The following CSTF3 variants were observed in gnomAD, a reference collection of about 807,000 sequenced individuals.
CSTF3 encodes the protein CF-1 77 kDa subunit.
A neutral mutation model predicts 105.8 loss-of-function variants in CSTF3; 29 were observed. The ratio of observed to expected loss-of-function variants is 0.27; its 90% CI spans 0.20 to 0.37. The LOEUF is 0.37. Among genes scored for constraint, CSTF3 ranks in the 10% least tolerant of loss-of-function variants. CSTF3 has a pLI of 1.00. For missense variants in CSTF3, 357 were observed against 879.3 expected (o/e 0.41, Z 7.51); for synonymous variants, 252 against 281.9 (o/e 0.89, Z 1.06).
At chr11:33,104,833 G>A (rs914035700) in intron 8 of CSTF3, among the ~76,000 whole-genome samples, 2 of 152,162 alleles carry the variant, frequency 1.3e-5, no homozygotes, top group African/African-American at 2.4e-5. Context: ...CATAAAGTTT[G>A]AAAACCACAG....
intron 1 of CSTF3, among the ~76,000 whole-genome samples, chr11:33,147,578 A>G (rs1176823171): frequency 6.7e-6 from 1 of 149,722 alleles, no homozygotes; most frequent in African/African-American, 2.4e-5. Context: ...CTTAGTCTCA[A>G]AAAAAAAAAA....
Position 33,102,377 on chromosome 11 carries a change from G to A in CSTF3, c.664-38C>T, listed in dbSNP as rs766081232. ...GATTTAGAATTCTTTGGTGAGCCAG[G>A]AACAACTGAGATATATGGCGGATGG... On this transcript the variant is annotated intron_variant, in intron 9 of 20. Coordinates refer to ENST00000323959, the MANE Select transcript of CSTF3 (RefSeq NM_001326.3). 10 of 1,604,340 alleles carry A rather than the reference G, an allele frequency of 6.2e-6. No individual in the cohort carries two copies. In the South Asian group the frequency reaches 1.1e-4, roughly 18 times the overall value.
At chr11:33,134,574 A>G (rs995950197) in intron 3 of CSTF3, 1 of 152,176 alleles carries the variant, frequency 6.6e-6, no homozygotes, top group Non-Finnish European at 1.5e-5. Context: ...CATTTTGGAT[A>G]TTTAAGTTTT....
In CSTF3 at chr11:33,092,371, T is replaced by A. The variant is rs562458789; in HGVS notation, c.1376-31A>T. ...ATATTGAAAAAGATTTTAATTTTTTTAATTCACTTTTACGATGCAACAATA... is the reference window on the plus strand; with the variant it reads ...ATATTGAAAAAGATTTTAATTTTTTAAATTCACTTTTACGATGCAACAATA... On this transcript the variant is annotated intron_variant, in intron 15 of 20. Transcript: ENST00000323959. 5.6e-6 allele frequency: 8 copies of A among 1,438,082 alleles called. No homozygotes were observed. In the African/African-American group the frequency reaches 8.7e-5, roughly 16 times the overall value. The allele number at this position is 1,438,082 out of a possible 1,614,324, so 89.1% of individuals were successfully genotyped here. A position where few individuals can be genotyped will look rare whatever the true frequency, so the allele number is the denominator to read the frequency against.
At chr11:33,127,011 G>GC (rs1855550210) in intron 3 of CSTF3, among the ~76,000 whole-genome samples, 5 of 152,210 alleles carry the variant, frequency 3.3e-5, no homozygotes, top group Admixed American at 2.0e-4. Context: ...TCTGAAGAAA[G>GC]TAAAGCAGCT....
rs760798694 is a variant in CSTF3, at chr11:33,103,195, AC to A, written c.586-12del. 2 of 1,353,194 alleles carry A rather than the reference AC, an allele frequency of 1.5e-6. No individual in the cohort carries two copies. Among genetic ancestry groups the A allele is most frequent in the Non-Finnish European group, 2.0e-6 (2 of 979,374 alleles). The allele number at this position is 1,353,194 out of a possible 1,614,324, so 83.8% of individuals were successfully genotyped here. On this transcript the variant is annotated splice_polypyrimidine_tract_variant and intron_variant, in intron 8 of 20. Transcript: ENST00000323959. ...ATGAATATTGATACCCTAGAAAAAA[AC>A]AAAAATATTTTAAAATTAAGTATAG...
At position 33,135,077 on chromosome 11, in the gene CSTF3, C is replaced by G. The variant is rs143529706; in HGVS notation, c.225+6590G>C. 5.6e-3 allele frequency among the ~76,000 whole-genome samples: 856 copies of G among 152,228 alleles called. 8 individuals carry two copies. The highest frequency in any genetic ancestry group is 0.02 in the African/African-American group (817 of 41,536). ...GATTCTCCCGTAACACTTGAAGTGTCCTTAAAGGTTATCTGATTCTTAGTT... is the reference window on the plus strand; with the variant it reads ...GATTCTCCCGTAACACTTGAAGTGTGCTTAAAGGTTATCTGATTCTTAGTT... On this transcript the variant is annotated intron_variant, in intron 3 of 20. Coordinates refer to ENST00000323959, the MANE Select transcript of CSTF3 (RefSeq NM_001326.3).
chr11:33,090,517 A>G lies in CSTF3; in HGVS notation c.1641+15T>C. 6.8e-7 allele frequency: 1 copy of G among 1,467,202 alleles called. No homozygotes were observed. The highest frequency in any genetic ancestry group is 1.6e-5 in the South Asian group (1 of 63,970). 90.9% of individuals were successfully genotyped at this position (1,467,202 alleles called of 1,614,324 possible). ...AAAAGTGAGGACACTCCACATCTTG[A>G]TCCTAAGTACATACCTTATAACCAA... On this transcript the variant is annotated intron_variant, in intron 17 of 20. Transcript: ENST00000323959.
intron 1 of CSTF3, among the ~76,000 whole-genome samples, chr11:33,146,035 G>A (rs576613751): frequency 4.0e-5 from 6 of 151,792 alleles, no homozygotes; most frequent in Admixed American, 3.3e-4. Context: ...TCAGGAGTTC[G>A]AGACCAGCCC....
chr11:33,096,384 A>T lies in CSTF3; in HGVS notation c.1297T>A (p.Phe433Ile). 1 of 1,601,356 alleles carries T rather than the reference A, an allele frequency of 6.2e-7. No individual in the cohort carries two copies. The highest frequency in any genetic ancestry group is 1.1e-5 in the South Asian group (1 of 87,574). Residue 433 changes from phenylalanine to isoleucine, a missense_variant, in exon 15 of 21, where the codon TTT becomes ATT. Coordinates refer to ENST00000323959, the MANE Select transcript of CSTF3 (RefSeq NM_001326.3). ...SKDKSVAFKI[F>I]ELGLKKYGDI... ...CCATATTTTTTTAGCCCCAGCTCAA[A>T]AATCTTAAAGGCAACAGATTTGTCC...
intron 9 of CSTF3, 145 bp from the exon 10 acceptor site, chr11:33,102,484 G>T: frequency 1.4e-6 from 1 of 726,250 alleles, no homozygotes; most frequent in Non-Finnish European, 2.2e-6. Context: ...AACTATTTAA[G>T]AGTAGAGAGA....
intron 3 of CSTF3, among the ~76,000 whole-genome samples, chr11:33,121,161 G>A (rs1278238789): frequency 6.6e-6 from 1 of 152,004 alleles, no homozygotes; most frequent in African/African-American, 2.4e-5. Flanking sequence ...AACTTTGGAG[G>A]TTTGAAAAGT....
chr11:33,149,281 A>T (rs1030634015), intron 1 of CSTF3, among the ~76,000 whole-genome samples: 1 of 152,246 alleles, frequency 6.6e-6, no homozygotes, highest in African/African-American at 2.4e-5. Context: ...CAGTAGTCAA[A>T]TGTTCGTAAC....
chr11:33,116,536 G>C (rs1466914765), intron 3 of CSTF3, among the ~76,000 whole-genome samples: 2 of 152,022 alleles, frequency 1.3e-5, no homozygotes, highest in Admixed American at 1.3e-4. Flanking sequence ...GTTTTTGGTG[G>C]AATAATGAGG....
chr11:33,098,336 T>C (rs914702471), intron 13 of CSTF3, among the ~76,000 whole-genome samples: 1 of 152,226 alleles, frequency 6.6e-6, no homozygotes, highest in Non-Finnish European at 1.5e-5. Context: ...TTCTGTGGCA[T>C]AAAGTGACTT....
chr11:33,103,827 A>T lies in CSTF3; in HGVS notation c.586-643T>A, dbSNP rs564620886. ...GGTGAATAGCCATGGCTTGACTTTG[A>T]TAGCCCTTTTCTTTTTCTTTTTTAT... On this transcript the variant is annotated intron_variant, in intron 8 of 20. Transcript: ENST00000323959. Among the ~76,000 whole-genome samples, 3 of 152,020 alleles carry T rather than the reference A, an allele frequency of 2.0e-5. No individual in the cohort carries two copies. The East Asian group carries it at 5.8e-4, about 29-fold the overall frequency.
intron 1 of CSTF3, among the ~76,000 whole-genome samples, chr11:33,152,409 G>T (rs938056682): frequency 6.6e-6 from 1 of 152,106 alleles, no homozygotes; most frequent in Non-Finnish European, 1.5e-5. Context: ...GACTACAGGC[G>T]TGCACCACCG....
At chr11:33,134,832 TAAGTTAGAAATAACTGGTTATTTGTGAGA>T (rs1855636316) in intron 3 of CSTF3, among the ~76,000 whole-genome samples, 1 of 152,128 alleles carries the variant, frequency 6.6e-6, no homozygotes, top group Non-Finnish European at 1.5e-5. Context: ...CTGACTATAG[TAAGTTAGAAATAACTGGTTATTTGTGAGA>T]AAACATCCCA....
At chr11:33,116,192 T>C (rs1460699626) in intron 3 of CSTF3, among the ~76,000 whole-genome samples, 1 of 152,146 alleles carries the variant, frequency 6.6e-6, no homozygotes, top group African/African-American at 2.4e-5. Context: ...GTACTAACCA[T>C]TAGGTATTAA....
Sources: gnomAD v4.1 joint callset for allele counts (sites outside exome capture counted in the v4.1 genomes callset) on GRCh38, gnomAD v4.1.1 for gene constraint, MANE v1.5 for transcripts, NCBI Gene and HGNC (gene_info 2026-07-23, HGNC 2026-07-21) for gene names.